The following BCL11B variants were observed in gnomAD, a reference collection of about 807,000 sequenced individuals.
The protein encoded by BCL11B is B-cell lymphoma/leukemia 11B.
In BCL11B, 8 loss-of-function variants were observed where a neutral mutation model predicts 49.9. The observed-to-expected ratio is 0.16, with a 90% CI of 0.09 to 0.29. The LOEUF (loss-of-function observed/expected upper bound fraction) is 0.29, where lower values mean the gene tolerates loss of function less well. Among genes scored for constraint, BCL11B ranks in the 10% least tolerant of loss-of-function variants. The pLI is 1.00. For synonymous variants in BCL11B, 739 were observed against 637.4 expected (o/e 1.16, Z -2.40); for missense variants, 1,006 against 1,351.0 (o/e 0.74, Z 4.00).
At chr14:99,240,773 G>A (rs1888645301) in intron 2 of BCL11B, among the ~76,000 whole-genome samples, 1 of 152,154 alleles carries the variant, frequency 6.6e-6, no homozygotes, top group African/African-American at 2.4e-5. Flanking sequence ...TTAACACTTC[G>A]CGGGACTAAT....
intron 2 of BCL11B, among the ~76,000 whole-genome samples, chr14:99,251,470 C>A (rs1813189039): frequency 6.6e-6 from 1 of 152,038 alleles, no homozygotes; most frequent in African/African-American, 2.4e-5. Context: ...ATAGCAAGAC[C>A]CTGGCAAAAC....
At chr14:99,217,011 C>T (rs879117802) in intron 3 of BCL11B, among the ~76,000 whole-genome samples, 1 of 151,994 alleles carries the variant, frequency 6.6e-6, no homozygotes, top group Admixed American at 6.5e-5. Flanking sequence ...TACATATGCA[C>T]ATATGCTCTC....
At chr14:99,230,091 C>G (rs1383898106) in intron 3 of BCL11B, among the ~76,000 whole-genome samples, 1 of 152,184 alleles carries the variant, frequency 6.6e-6, no homozygotes, top group Non-Finnish European at 1.5e-5. Flanking sequence ...GATGTCACCA[C>G]CTGTCACAGC....
chr14:99,264,386 G>A (rs757895115), intron 1 of BCL11B: 13 of 151,224 alleles, frequency 8.6e-5, no homozygotes, highest in Admixed American at 3.9e-4. Context: ...AGTCATTTCT[G>A]CGTGTTGTTT....
chr14:99,220,772 A>G (rs1887984660), intron 3 of BCL11B, among the ~76,000 whole-genome samples: 2 of 152,218 alleles, frequency 1.3e-5, no homozygotes, highest in Non-Finnish European at 2.9e-5. Context: ...TCACAATCGA[A>G]GCATTGTGAG....
intron 3 of BCL11B, among the ~76,000 whole-genome samples, chr14:99,185,800 G>A (rs553273736): frequency 1.4e-4 from 22 of 152,304 alleles, no homozygotes; most frequent in Middle Eastern, 3.4e-3. Context: ...CCCTGCTCCC[G>A]AGGTGCTTTC....
At chr14:99,202,699 T>C (rs759617762) in intron 3 of BCL11B, among the ~76,000 whole-genome samples, 3 of 152,114 alleles carry the variant, frequency 2.0e-5, no homozygotes, top group Non-Finnish European at 4.4e-5. Flanking sequence ...CTAACAGTCC[T>C]CCTGGCTACA....
chr14:99,234,559 T>C (rs1211006052), intron 2 of BCL11B, among the ~76,000 whole-genome samples: 2 of 151,986 alleles, frequency 1.3e-5, no homozygotes, highest in Non-Finnish European at 2.9e-5. Flanking sequence ...TCCTCGGCTG[T>C]CTCCTGGCCT....
chr14:99,179,215 T>C (rs891232694), intron 3 of BCL11B, among the ~76,000 whole-genome samples: 1 of 152,202 alleles, frequency 6.6e-6, no homozygotes, highest in Admixed American at 6.5e-5. Flanking sequence ...GGCTCACGCC[T>C]GTAATCCCAG....
At chr14:99,176,379 G>T (rs1401211253) in intron 3 of BCL11B, among the ~76,000 whole-genome samples, 184 bp from the exon 4 acceptor site, 2 of 152,186 alleles carry the variant, frequency 1.3e-5, no homozygotes, top group Non-Finnish European at 2.9e-5. Context: ...TGGCTGGGGG[G>T]CCGAAGACGC....
rs768070518 is a variant in BCL11B, at chr14:99,171,417, G to GT, written c.*2733dup. 0.035 allele frequency: 6,691 copies of GT among 190,124 alleles called. 67 individuals carry two copies. Among genetic ancestry groups the GT allele is most frequent in the African/African-American group, 0.043 (1,798 of 41,560 alleles). 11.8% of individuals were successfully genotyped at this position (190,124 alleles called of 1,614,324 possible). On this transcript the variant is annotated 3_prime_UTR_variant, in exon 4 of 4. Transcript: ENST00000357195. ...ATATTATGGCAGCCTGTTTGTTTTT[G>GT]TTTTTTTTTTCTTTTTATTTCCAAA...
At chr14:99,246,424 G>GA (rs1240639180) in intron 2 of BCL11B, among the ~76,000 whole-genome samples, 2 of 152,234 alleles carry the variant, frequency 1.3e-5, no homozygotes, top group Admixed American at 6.5e-5. Context: ...GGCCGTGGGC[G>GA]AATCAGAGGC....
rs772221538 is a variant in BCL11B, at chr14:99,175,078, C to T, written c.1758G>A (p.Ala586=). The T allele has an allele frequency of 1.2e-6, 2 of 1,600,122 alleles. No homozygotes were observed. The highest frequency in any genetic ancestry group is 1.3e-5 in the African/African-American group (1 of 74,466). Residue 586 remains alanine (A), a synonymous_variant, in exon 4 of 4, where the codon GCG becomes GCA. Coordinates refer to ENST00000357195, the MANE Select transcript of BCL11B (RefSeq NM_138576.4). ...GCACCAGCGCCTTCTCGTCAGCCAG[C>T]GCCTTGGCCGCGCCGCCCCCCGCGC... The part of the protein sequence containing the change: ...VPGAGGGAAK[A]LADEKALVLG...
intron 3 of BCL11B, among the ~76,000 whole-genome samples, chr14:99,199,687 C>CGTGT (rs1566806706): frequency 8.5e-5 from 5 of 58,890 alleles, no homozygotes; most frequent in African/African-American, 1.4e-4. Context: ...TGTGTGTGCG[C>CGTGT]GCGCGCGCGC....
At position 99,262,243 on chromosome 14, in the gene BCL11B, A is replaced by C. The variant is rs982028620; in HGVS notation, c.59-4404T>G. Among the ~76,000 whole-genome samples the C allele has an allele frequency of 2.0e-5, 3 of 152,140 alleles. No homozygotes were observed. The highest frequency in any genetic ancestry group is 7.2e-5 in the African/African-American group (3 of 41,418). ...CCGCCCTCCCTGGCCCATCTCTAAC[A>C]ACTGCCCATGCACCTGCCCTTAGGG... On this transcript the variant is annotated intron_variant, in intron 1 of 3. Coordinates refer to ENST00000357195, the MANE Select transcript of BCL11B (RefSeq NM_138576.4). The surrounding 1 kb of genome is among the most constrained non-coding windows in gnomAD (Gnocchi z 4.2).
Position 99,231,251 on chromosome 14 carries a change from C to T in BCL11B, c.640+94G>A, listed in dbSNP as rs1369477410. 7.3e-7 allele frequency: 1 copy of T among 1,364,380 alleles called. No homozygotes were observed. The highest frequency in any genetic ancestry group is 1.5e-5 in the African/African-American group (1 of 68,080). The allele number at this position is 1,364,380 out of a possible 1,614,324, so 84.5% of individuals were successfully genotyped here. A position where few individuals can be genotyped will look rare whatever the true frequency, so the allele number is the denominator to read the frequency against. On this transcript the variant is annotated intron_variant, in intron 3 of 3. Coordinates refer to ENST00000357195, the MANE Select transcript of BCL11B (RefSeq NM_138576.4). The surrounding 1 kb of genome is among the most constrained non-coding windows in gnomAD (Gnocchi z 8.1). Reference sequence around the variant, plus strand: ...AAAAAGCCTTCTGGGTGGGAGCTGCCCTTCCTCCCTGGGTCCCCACCTTGC... The same window carrying T: ...AAAAAGCCTTCTGGGTGGGAGCTGCTCTTCCTCCCTGGGTCCCCACCTTGC...
In BCL11B at chr14:99,194,518, G is replaced by T. The variant is rs1887125567; in HGVS notation, c.641-18323C>A. Among the ~76,000 whole-genome samples the T allele has an allele frequency of 6.6e-6, 1 of 152,240 alleles. No homozygotes were observed. The highest frequency in any genetic ancestry group is 1.5e-5 in the Non-Finnish European group (1 of 68,046). Reference sequence around the variant, plus strand: ...CTTGAACAAAGGACTGAACACTATGGGGTTCTATTCCCAACCAGCTATGAC... The same window carrying T: ...CTTGAACAAAGGACTGAACACTATGTGGTTCTATTCCCAACCAGCTATGAC... On this transcript the variant is annotated intron_variant, in intron 3 of 3. Coordinates refer to ENST00000357195, the MANE Select transcript of BCL11B (RefSeq NM_138576.4). The surrounding 1 kb of genome is among the most constrained non-coding windows in gnomAD (Gnocchi z 4.6).
Position 99,231,471 on chromosome 14 carries a change from G to C in BCL11B, c.514C>G (p.Arg172Gly). The change falls in exon 3 of 4, where the codon CGT (arginine) becomes GGT (glycine). Residue 172 changes from arginine to glycine, a missense_variant. Coordinates refer to ENST00000357195, the MANE Select transcript of BCL11B (RefSeq NM_138576.4). The surrounding 1 kb of genome is among the most constrained non-coding windows in gnomAD (Gnocchi z 8.1). ...CAGGGCGGGAGAGCGCCCAGGGCAC[G>C]CAGAGGTGAAGTGATCACGGATGAG... is the stretch of plus-strand genomic sequence containing the variant. ...PHSSVITSPL[R>G]ALGALPPCLP... The C allele has an allele frequency of 6.2e-7, 1 of 1,600,380 alleles. No individual in the cohort carries two copies. Among genetic ancestry groups the C allele is most frequent in the Non-Finnish European group, 8.5e-7 (1 of 1,173,856 alleles).
In BCL11B at chr14:99,257,107, C is replaced by G; in HGVS notation, c.427+364G>C. ...CATGTCCAAGTTGTGAAGACAAACT[C>G]TAACCCAAAACTGTCTGGCTTCAAA... On this transcript the variant is annotated intron_variant, in intron 2 of 3. Transcript: ENST00000357195. This position sits in a 1 kb window ranked among gnomAD's most constrained non-coding sequence, Gnocchi z 6.2. 6.6e-6 allele frequency among the ~76,000 whole-genome samples: 1 copy of G among 152,284 alleles called. No individual in the cohort carries two copies. The highest frequency in any genetic ancestry group is 1.5e-5 in the Non-Finnish European group (1 of 68,014).
Sources: gnomAD v4.1 joint callset for allele counts (sites outside exome capture counted in the v4.1 genomes callset) on GRCh38, gnomAD v4.1.1 for gene constraint, Gnocchi (gnomAD v3.1) non-coding constraint, MANE v1.5 for transcripts, NCBI Gene and HGNC (gene_info 2026-07-23, HGNC 2026-07-21) for gene names.